Variants in FRMD1 observed in about 807,000 individuals in gnomAD.
FRMD1 encodes the protein FERM domain containing 1.
A neutral mutation model predicts 54.9 loss-of-function variants in FRMD1; 51 were observed. The observed-to-expected ratio is 0.93, with a 90% CI of 0.74 to 1.17. The LOEUF is 1.17. Ranked by LOEUF, FRMD1 falls within the 50% of genes most tolerant of loss-of-function variation. The pLI is 0.00. For synonymous variants in FRMD1, 324 were observed against 306.4 expected (o/e 1.06, Z -0.60); for missense variants, 729 against 743.0 (o/e 0.98, Z 0.22).
chr6:168,059,074 G>A lies in FRMD1; in HGVS notation c.1407+50C>T, dbSNP rs1229499111. 3 of 1,433,060 alleles carry A rather than the reference G, an allele frequency of 2.1e-6. No individual in the cohort carries two copies. Among genetic ancestry groups the A allele is most frequent in the Admixed American group, 3.9e-5 (2 of 51,192 alleles). The allele number at this position is 1,433,060 out of a possible 1,614,324, so 88.8% of individuals were successfully genotyped here. On this transcript the variant is annotated intron_variant, in intron 10 of 10. Transcript: ENST00000283309. This position sits in a 1 kb window ranked among gnomAD's most constrained non-coding sequence, Gnocchi z 4.4. The stretch of plus-strand genomic sequence containing the variant: ...GCCCCTGACAGGGGACCTAGGAGAA[G>A]GGGGTGGAGGAGCAGGGCCAGGGCT...
In FRMD1 at chr6:168,067,351, G is replaced by A. The variant is rs771346441; in HGVS notation, c.384+16C>T. ...CCGCGGTGCCTGCCCTCTCCCACCC[G>A]ACACTCTACACTTACTTCATTTCTT... On this transcript the variant is annotated intron_variant, in intron 3 of 10. Transcript: ENST00000283309. The A allele has an allele frequency of 2.9e-5, 45 of 1,546,832 alleles. 1 individual carries two copies. The highest frequency in any genetic ancestry group is 4.1e-5 in the African/African-American group (3 of 73,142).
chr6:168,080,530 C>A (rs894687129), upstream of FRMD1, among the ~76,000 whole-genome samples: 1 of 152,216 alleles, frequency 6.6e-6, no homozygotes, highest in Non-Finnish European at 1.5e-5. Context: ...AGCAGCTCGT[C>A]CCTGTGCCGG....
chr6:168,057,781 A>G, intron 10 of FRMD1: 1 of 185,476 alleles, frequency 5.4e-6, no homozygotes, highest in South Asian at 1.0e-4. Context: ...GCCAGCGGGC[A>G]GCGTCATCGC....
intron 2 of FRMD1, among the ~76,000 whole-genome samples, chr6:168,068,975 C>T (rs1583188733): frequency 6.6e-6 from 1 of 152,226 alleles, no homozygotes; most frequent in Non-Finnish European, 1.5e-5. Flanking sequence ...CAGGGGGAGG[C>T]TCCAAGGTGT....
At position 168,075,294 on chromosome 6, in the gene FRMD1, G is replaced by A; in HGVS notation, c.255C>T (p.Asn85=). The A allele has an allele frequency of 6.2e-7, 1 of 1,613,628 alleles. No individual in the cohort carries two copies. Among genetic ancestry groups the A allele is most frequent in the Non-Finnish European group, 8.5e-7 (1 of 1,180,002 alleles). ...TGRELFQQVC[N]VASIRDAQFF... ...ACTGCGCGTCTCTGATGCTCGCCAC[G>A]TTGCACACTTGCTGGAAAAGCTCGC... is the stretch of plus-strand genomic sequence containing the variant. Residue 85 remains asparagine (N), a synonymous_variant, in exon 2 of 11, where the codon AAC becomes AAT. Coordinates refer to ENST00000283309, the MANE Select transcript of FRMD1 (RefSeq NM_024919.6).
chr6:168,087,663 C>G (rs939214867), intron 1 of FRMD1, among the ~76,000 whole-genome samples: 1 of 152,210 alleles, frequency 6.6e-6, no homozygotes, highest in Non-Finnish European at 1.5e-5. Flanking sequence ...CACGGGCTGG[C>G]GTGTGGAGCA....
At chr6:168,088,745 C>T (rs551203555) in intron 1 of FRMD1, among the ~76,000 whole-genome samples, 1 of 152,174 alleles carries the variant, frequency 6.6e-6, no homozygotes, top group East Asian at 1.9e-4. Context: ...CCAGGCTACC[C>T]TCTTACTGCT....
intron 4 of FRMD1, chr6:168,066,362 G>C (rs1800025283): frequency 2.1e-6 from 1 of 471,734 alleles, no homozygotes. Flanking sequence ...GCCAGGTGTG[G>C]TGGCGCCCGC....
chr6:168,063,496 A>G, intron 6 of FRMD1, 105 bp downstream of exon 6: 28 of 1,309,412 alleles, frequency 2.1e-5, no homozygotes, highest in Non-Finnish European at 2.7e-5. Context: ...TGGGGGCTCC[A>G]TCCATCCCTG....
chr6:168,090,573 C>T (rs1218628028), intron 1 of FRMD1, among the ~76,000 whole-genome samples: 3 of 152,220 alleles, frequency 2.0e-5, no homozygotes, highest in South Asian at 4.1e-4. Context: ...CGCAAGCCTG[C>T]ATGTTCATGG....
intron 7 of FRMD1, 103 bp downstream of exon 7, chr6:168,062,791 T>C: frequency 6.2e-7 from 1 of 1,604,540 alleles, no homozygotes; most frequent in South Asian, 1.1e-5. Flanking sequence ...CCAGCGCCCA[T>C]GACCGCTGCA....
intron 6 of FRMD1, 107 bp from the exon 7 acceptor site, chr6:168,063,066 G>A: frequency 1.1e-6 from 1 of 902,538 alleles, no homozygotes; most frequent in Non-Finnish European, 1.8e-6. Flanking sequence ...CATGGACCAG[G>A]CTGAGCTCTG....
At chr6:168,057,458 C>T (rs576130526) in intron 10 of FRMD1, 119 bp from the exon 11 acceptor site, 34 of 1,465,272 alleles carry the variant, frequency 2.3e-5, no homozygotes, top group Middle Eastern at 2.4e-4. Context: ...CACCCTGCGC[C>T]GCAGTGCATG....
At chr6:168,087,636 C>T (rs972074060) in intron 1 of FRMD1, among the ~76,000 whole-genome samples, 6 of 152,334 alleles carry the variant, frequency 3.9e-5, no homozygotes, top group Admixed American at 1.3e-4. Flanking sequence ...GCAATGCGTG[C>T]GCTGGCATGT....
At chr6:168,067,956 A>AAG in intron 2 of FRMD1, among the ~76,000 whole-genome samples, 1 of 151,454 alleles carries the variant, frequency 6.6e-6, no homozygotes, top group East Asian at 1.9e-4. Context: ...CAGGAAAAAA[A>AAG]AAAAAATTAG....
intron 1 of FRMD1, chr6:168,092,927 C>A (rs930275897): frequency 6.6e-6 from 1 of 152,154 alleles, no homozygotes; most frequent in Non-Finnish European, 1.5e-5. Flanking sequence ...AAGACATGCC[C>A]GGGAATGGGT....
intron 9 of FRMD1, among the ~76,000 whole-genome samples, chr6:168,060,522 G>A (rs1799665502): frequency 6.6e-6 from 1 of 152,150 alleles, no homozygotes; most frequent in Admixed American, 6.5e-5. Flanking sequence ...CTGCCCCTTG[G>A]CAGGAACAGG....
At chr6:168,058,352 G>A (rs962723780) in intron 10 of FRMD1, among the ~76,000 whole-genome samples, 38 of 113,060 alleles carry the variant, frequency 3.4e-4, no homozygotes, top group Non-Finnish European at 6.0e-4. Context: ...GCAGCCTCTC[G>A]TGCCCAGCCC....
rs1364914534 is a variant in FRMD1, at chr6:168,059,248, C to T, written c.1343-60G>A. 7.0e-7 allele frequency: 1 copy of T among 1,437,392 alleles called. No homozygotes were observed. The highest frequency in any genetic ancestry group is 2.5e-5 in the East Asian group (1 of 40,542). 89.0% of individuals were successfully genotyped at this position (1,437,392 alleles called of 1,614,324 possible). A position where few individuals can be genotyped will look rare whatever the true frequency, so the allele number is the denominator to read the frequency against. ...GGGTTCTGCCCGACATGGCTCCTCC[C>T]CAGGGCAGTTCCCTGCACTTCTGGG... On this transcript the variant is annotated intron_variant, in intron 9 of 10. Coordinates refer to ENST00000283309, the MANE Select transcript of FRMD1 (RefSeq NM_024919.6). The surrounding 1 kb of genome is among the most constrained non-coding windows in gnomAD (Gnocchi z 4.4).
Sources: allele counts gnomAD v4.1 joint callset (sites outside exome capture counted in the v4.1 genomes callset), GRCh38; gene constraint gnomAD v4.1.1; non-coding constraint Gnocchi (gnomAD v3.1); transcripts MANE v1.5; gene names NCBI Gene and HGNC (gene_info 2026-07-23, HGNC 2026-07-21).